The following CDH4 variants were observed in gnomAD, a reference collection of about 807,000 sequenced individuals.
CDH4 encodes cadherin 4, also known as cadherin-4.
A neutral mutation model predicts 86.0 loss-of-function variants in CDH4; 33 were observed. That is an observed-to-expected ratio of 0.38 (90% CI 0.29 to 0.51). The LOEUF is 0.51. CDH4 is among the 20% of genes least tolerant of loss of function. The pLI is 0.86. For missense variants in CDH4, 1,114 were observed against 1,307.4 expected, an observed-to-expected ratio of 0.85 and a Z score of 2.28; for synonymous variants, 555 against 549.4, an observed-to-expected ratio of 1.01 and a Z score of -0.14.
In CDH4 at chr20:61,392,136, G is replaced by A. The variant is rs763489460; in HGVS notation, c.169+137199G>A. Reference sequence around the variant, plus strand: ...GGACCAAGTGGTGGTCGGGCAGCCCGTGCTGCAGGAGGTGAACCCGGGCAT... The same window carrying A: ...GGACCAAGTGGTGGTCGGGCAGCCCATGCTGCAGGAGGTGAACCCGGGCAT... On this transcript the variant is annotated intron_variant, in intron 2 of 15. Transcript: ENST00000614565. This position sits in a 1 kb window ranked among gnomAD's most constrained non-coding sequence, Gnocchi z 5.7. Among the ~76,000 whole-genome samples the A allele has an allele frequency of 4.6e-5, 7 of 151,910 alleles. No homozygotes were observed. The highest frequency in any genetic ancestry group is 7.3e-5 in the Non-Finnish European group (5 of 68,028).
At chr20:61,258,824 A>G (rs1447764227) in intron 2 of CDH4, among the ~76,000 whole-genome samples, 2 of 152,210 alleles carry the variant, frequency 1.3e-5, no homozygotes, top group African/African-American at 4.8e-5. Context: ...AGTTCAGAGC[A>G]GAAGAAGGTG....
At chr20:61,530,843 T>G (rs1183740046) in intron 2 of CDH4, among the ~76,000 whole-genome samples, 1 of 152,076 alleles carries the variant, frequency 6.6e-6, no homozygotes, top group Non-Finnish European at 1.5e-5. Context: ...TCTTGCAGCC[T>G]TCTTCACTGT....
At chr20:61,833,558 A>T (rs1981723329) in intron 4 of CDH4, among the ~76,000 whole-genome samples, 1 of 152,180 alleles carries the variant, frequency 6.6e-6, no homozygotes, top group Admixed American at 6.5e-5. Flanking sequence ...ATTCACAAAC[A>T]TCAGTATTCA....
chr20:61,307,615 C>A (rs972820394), intron 2 of CDH4, among the ~76,000 whole-genome samples: 1 of 152,240 alleles, frequency 6.6e-6, no homozygotes, highest in African/African-American at 2.4e-5. Flanking sequence ...CTGCCCCAGG[C>A]AGGAATCTGT....
intron 2 of CDH4, among the ~76,000 whole-genome samples, chr20:61,707,187 C>T (rs541307701): frequency 2.9e-4 from 44 of 152,370 alleles, no homozygotes; most frequent in Admixed American, 1.8e-3. Flanking sequence ...GCTGCTGAGC[C>T]AGTGGTCCTG....
At chr20:61,333,298 C>T (rs139048868) in intron 2 of CDH4, among the ~76,000 whole-genome samples, 90 of 152,256 alleles carry the variant, frequency 5.9e-4, no homozygotes, top group Non-Finnish European at 1.1e-3. Context: ...TGCACACACA[C>T]CTGCATGGGG....
intron 4 of CDH4, among the ~76,000 whole-genome samples, chr20:61,798,749 G>A (rs997584121): frequency 8.5e-5 from 13 of 152,234 alleles, no homozygotes; most frequent in African/African-American, 2.4e-4. Flanking sequence ...GGGCCGGGCC[G>A]GCAGGAGTCC....
intron 3 of CDH4, among the ~76,000 whole-genome samples, chr20:61,770,495 G>A (rs2088761188): frequency 6.6e-6 from 1 of 152,258 alleles, no homozygotes; most frequent in Admixed American, 6.5e-5. Context: ...CCCTGCACTG[G>A]CCCCGATGTG....
At chr20:61,793,500 C>T (rs1441001097) in intron 4 of CDH4, among the ~76,000 whole-genome samples, 1 of 152,090 alleles carries the variant, frequency 6.6e-6, no homozygotes, top group Non-Finnish European at 1.5e-5. Flanking sequence ...TAAAGCGGCC[C>T]CCGAGGTCAG....
intron 2 of CDH4, among the ~76,000 whole-genome samples, chr20:61,739,532 C>A (rs1238628798): frequency 6.6e-6 from 1 of 152,216 alleles, no homozygotes; most frequent in Admixed American, 6.5e-5. Flanking sequence ...TCCATGGGAG[C>A]CAACATCCCA....
chr20:61,742,584 T>TA (rs1167340619), intron 2 of CDH4, among the ~76,000 whole-genome samples: 1 of 152,186 alleles, frequency 6.6e-6, no homozygotes, highest in East Asian at 1.9e-4. Context: ...CATAATTGCT[T>TA]AGATACCCAC....
At chr20:61,418,489 G>A (rs1004280210) in intron 2 of CDH4, among the ~76,000 whole-genome samples, 1 of 152,150 alleles carries the variant, frequency 6.6e-6, no homozygotes, top group Admixed American at 6.5e-5. Flanking sequence ...GGGATTACAG[G>A]CTTGAGCCAC....
intron 2 of CDH4, among the ~76,000 whole-genome samples, chr20:61,495,066 C>T (rs752895971): frequency 6.6e-6 from 1 of 152,166 alleles, no homozygotes; most frequent in Non-Finnish European, 1.5e-5. Context: ...ATGGCAGGGG[C>T]AGGAGAACAA....
At chr20:61,790,860 CATCCATCCGTAT>C (rs1258838209) in intron 4 of CDH4, among the ~76,000 whole-genome samples, 2 of 150,698 alleles carry the variant, frequency 1.3e-5, no homozygotes, top group East Asian at 3.9e-4. Flanking sequence ...TCTATCCATT[CATCCATCCGTAT>C]ATCCATCCTT....
At chr20:61,861,420 C>T (rs886590374) in intron 6 of CDH4, among the ~76,000 whole-genome samples, 4 of 152,190 alleles carry the variant, frequency 2.6e-5, no homozygotes, top group South Asian at 2.1e-4. Flanking sequence ...GTGAAGGCAC[C>T]GTTCTGTAAC....
chr20:61,762,144 G>C (rs1160595276), intron 3 of CDH4, among the ~76,000 whole-genome samples: 1 of 152,244 alleles, frequency 6.6e-6, no homozygotes, highest in Non-Finnish European at 1.5e-5. Flanking sequence ...ACTTCCCCAA[G>C]TCAGAGTAAG....
At position 61,757,504 on chromosome 20, in the gene CDH4, G is replaced by A. The variant is rs572708530; in HGVS notation, c.396+13715G>A. ...TAGAGGGGTGCCCAGGGCCCCAGGG[G>A]CAGTCAGCTGCAGGGGCGGCCCCAG... is the stretch of plus-strand genomic sequence containing the variant. On this transcript the variant is annotated intron_variant, in intron 3 of 15. Coordinates refer to ENST00000614565, the MANE Select transcript of CDH4 (RefSeq NM_001794.5). Among the ~76,000 whole-genome samples the A allele has an allele frequency of 7.2e-5, 11 of 152,354 alleles. No homozygotes were observed. In the East Asian group the frequency reaches 1.9e-3, roughly 27 times the overall value.
At chr20:61,483,281 A>C (rs183457540) in intron 2 of CDH4, among the ~76,000 whole-genome samples, 1 of 150,914 alleles carries the variant, frequency 6.6e-6, no homozygotes, top group East Asian at 2.0e-4. Flanking sequence ...CCCAGACATA[A>C]CTCTCCCCCT....
intron 2 of CDH4, among the ~76,000 whole-genome samples, chr20:61,625,253 C>T (rs2086820082): frequency 1.3e-5 from 2 of 152,244 alleles, no homozygotes; most frequent in Middle Eastern, 3.4e-3. Flanking sequence ...CTCACTCGAC[C>T]GCAGGGAGGG....
Sources: allele counts gnomAD v4.1 joint callset (sites outside exome capture counted in the v4.1 genomes callset), GRCh38; gene constraint gnomAD v4.1.1; non-coding constraint Gnocchi (gnomAD v3.1); transcripts MANE v1.5; gene names NCBI Gene and HGNC (gene_info 2026-07-23, HGNC 2026-07-21).